Variants in BTC observed in about 807,000 individuals in gnomAD.
BTC encodes the protein probetacellulin.
A neutral mutation model predicts 18.1 loss-of-function variants in BTC; 13 were observed. The ratio of observed to expected loss-of-function variants is 0.72; its 90% CI spans 0.47 to 1.14. The LOEUF (loss-of-function observed/expected upper bound fraction) is 1.14. BTC is among the 50% of genes most tolerant of loss of function. The probability of loss-of-function intolerance (pLI) is 0.00; values close to 1 mark genes in which losing one functional copy is unlikely to be tolerated. For missense variants in BTC, 247 were observed against 224.2 expected (o/e 1.10, Z -0.65); for synonymous variants, 83 against 79.4 (o/e 1.05, Z -0.24).
Position 74,755,955 on chromosome 4 carries a change from C to A in BTC, c.185G>T (p.Arg62Leu), listed in dbSNP as rs375367986. ...GGGGCACCTAGAGAAGTGGCCTTTC[C>A]GCTTTGATTGTGTGGTGGTAGCTGG... ...NCAATTTQSKRKGHFSRCPKQ... is the reference protein window; with the variant it reads ...NCAATTTQSKLKGHFSRCPKQ... Residue 62 changes from arginine to leucine, a missense_variant, in exon 3 of 6, where the codon CGG becomes CTG. Coordinates refer to ENST00000395743, the MANE Select transcript of BTC (RefSeq NM_001729.4). The A allele has an allele frequency of 5.0e-6, 8 of 1,613,932 alleles. No individual in the cohort carries two copies. The Admixed American group carries it at 1.3e-4, about 27-fold the overall frequency.
intron 2 of BTC, among the ~76,000 whole-genome samples, chr4:74,767,908 G>T (rs1724943250): frequency 6.6e-6 from 1 of 152,054 alleles, no homozygotes; most frequent in East Asian, 1.9e-4. Context: ...TTATATTTAA[G>T]ACCCGAAACA....
intron 1 of BTC, among the ~76,000 whole-genome samples, chr4:74,773,762 C>A (rs1725109399): frequency 6.6e-6 from 1 of 152,030 alleles, no homozygotes; most frequent in Non-Finnish European, 1.5e-5. Flanking sequence ...TAGGTGCCTG[C>A]CACCATGCCT....
At chr4:74,793,282 C>A (rs948348170) in intron 1 of BTC, among the ~76,000 whole-genome samples, 1 of 152,192 alleles carries the variant, frequency 6.6e-6, no homozygotes, top group Non-Finnish European at 1.5e-5. Context: ...TTTTAGCCAC[C>A]TCTCTTACTC....
In BTC at chr4:74,794,351, G is replaced by A. The variant is rs1489721363; in HGVS notation, c.-26C>T. The A allele has an allele frequency of 3.9e-6, 6 of 1,529,548 alleles. No individual in the cohort carries two copies. In the South Asian group the frequency reaches 7.3e-5, roughly 19 times the overall value. 94.7% of individuals were successfully genotyped at this position (1,529,548 alleles called of 1,614,324 possible). On this transcript the variant is annotated 5_prime_UTR_variant, in exon 1 of 6. Transcript: ENST00000395743. Reference sequence around the variant, plus strand: ...CAACCCCGCTCTGCCGGGCCGGGCAGCCCCTAGACAAGTCTCCCTCCTTCT... The same window carrying A: ...CAACCCCGCTCTGCCGGGCCGGGCAACCCCTAGACAAGTCTCCCTCCTTCT...
intron 1 of BTC, among the ~76,000 whole-genome samples, chr4:74,788,107 A>C (rs879568127): frequency 3.2e-4 from 48 of 152,270 alleles, no homozygotes; most frequent in Admixed American, 5.2e-4. Context: ...AAATTACAAA[A>C]CCCCCTGCCT....
intron 1 of BTC, among the ~76,000 whole-genome samples, chr4:74,774,304 C>A (rs544700878): frequency 6.6e-6 from 1 of 152,130 alleles, no homozygotes; most frequent in Admixed American, 6.5e-5. Context: ...GTTTTGAGTA[C>A]CGGTCTTGGA....
At chr4:74,763,902 A>G (rs59882675) in intron 2 of BTC, among the ~76,000 whole-genome samples, 35,079 of 152,090 alleles carry the variant, frequency 0.23, 5,254 homozygotes, top group African/African-American at 0.43. Context: ...TGATAGATAC[A>G]TGCTAATTAC....
Position 74,745,401 on chromosome 4 carries a change from T to G in BTC, c.*1276A>C, listed in dbSNP as rs1342428319. The G allele has an allele frequency of 1.3e-5, 2 of 152,226 alleles. No homozygotes were observed. Among genetic ancestry groups the G allele is most frequent in the Admixed American group, 1.3e-4 (2 of 15,286 alleles). The allele number at this position is 152,226 out of a possible 1,614,324, so 9.4% of individuals were successfully genotyped here. ...TTTGCAAAGATTCTAAAAAAGAAGC[T>G]GCTTGGCCGACAGGCACAAGTTGGG... On this transcript the variant is annotated 3_prime_UTR_variant, in exon 6 of 6. Transcript: ENST00000395743.
At chr4:74,761,134 G>GAAAA (rs71657340) in intron 2 of BTC, among the ~76,000 whole-genome samples, 1 of 150,052 alleles carries the variant, frequency 6.7e-6, no homozygotes, top group Non-Finnish European at 1.5e-5. Flanking sequence ...CCCTTTGGAG[G>GAAAA]AAAAAAAAAA....
chr4:74,763,365 C>T (rs1246918100), intron 2 of BTC, among the ~76,000 whole-genome samples: 1 of 152,090 alleles, frequency 6.6e-6, no homozygotes, highest in African/African-American at 2.4e-5. Flanking sequence ...CCTGCATGGT[C>T]TTAGTGTGCC....
intron 3 of BTC, among the ~76,000 whole-genome samples, chr4:74,753,590 C>A (rs1290173143): frequency 1.3e-5 from 2 of 152,094 alleles, no homozygotes; most frequent in Non-Finnish European, 2.9e-5. Context: ...AACAAGAACC[C>A]ACAAACTCCC....
intron 1 of BTC, among the ~76,000 whole-genome samples, chr4:74,771,107 GT>G (rs1258251080): frequency 6.6e-6 from 1 of 151,986 alleles, no homozygotes; most frequent in Non-Finnish European, 1.5e-5. Flanking sequence ...GGTTCATTAT[GT>G]TGTCCTCTCT....
Position 74,769,553 on chromosome 4 carries a change from C to G in BTC, c.163+505G>C, listed in dbSNP as rs536202746. On this transcript the variant is annotated intron_variant, in intron 2 of 5. Coordinates refer to ENST00000395743, the MANE Select transcript of BTC (RefSeq NM_001729.4). ...AAACCTTTACTAAGGCCAAATACTG[C>G]CTTAGACTGATAAGTTTGAGAACAC... is the stretch of plus-strand genomic sequence containing the variant. 1.4e-4 allele frequency among the ~76,000 whole-genome samples: 21 copies of G among 152,260 alleles called. No homozygotes were observed. In the South Asian group the frequency reaches 4.1e-3, roughly 30 times the overall value.
chr4:74,756,592 G>A (rs1465090255), intron 2 of BTC, among the ~76,000 whole-genome samples: 2 of 152,180 alleles, frequency 1.3e-5, no homozygotes, highest in Non-Finnish European at 2.9e-5. Flanking sequence ...CTGAGTCCAC[G>A]TTCTTGACTG....
chr4:74,772,572 T>C (rs1292020970), intron 1 of BTC, among the ~76,000 whole-genome samples: 2 of 151,856 alleles, frequency 1.3e-5, no homozygotes, highest in Non-Finnish European at 2.9e-5. Flanking sequence ...AAAATATGTT[T>C]AATTCATTTC....
At chr4:74,757,285 A>C (rs1338161106) in intron 2 of BTC, among the ~76,000 whole-genome samples, 4 of 152,230 alleles carry the variant, frequency 2.6e-5, no homozygotes, top group African/African-American at 9.6e-5. Flanking sequence ...AGGACTTAGG[A>C]TGATCTAAAT....
Position 74,779,826 on chromosome 4 carries a change from A to G in BTC, c.65-9670T>C, listed in dbSNP as rs550523485. Among the ~76,000 whole-genome samples the G allele has an allele frequency of 3.3e-5, 5 of 152,284 alleles. No individual in the cohort carries two copies. In the South Asian group the frequency reaches 1.0e-3, roughly 32 times the overall value. ...TTAGAGTAAGCCAACCCAACTTAGC[A>G]TCGAATTTGTTATCATCTTTATCAA... On this transcript the variant is annotated intron_variant, in intron 1 of 5. Coordinates refer to ENST00000395743, the MANE Select transcript of BTC (RefSeq NM_001729.4).
chr4:74,774,416 A>G (rs1048199490), intron 1 of BTC, among the ~76,000 whole-genome samples: 1 of 152,208 alleles, frequency 6.6e-6, no homozygotes, highest in Non-Finnish European at 1.5e-5. Context: ...ATACCAGAAG[A>G]AACATCAAAA....
chr4:74,794,296 G>A lies in BTC; in HGVS notation c.30C>T (p.Ala10=). The A allele has an allele frequency of 1.3e-6, 2 of 1,549,158 alleles. No individual in the cohort carries two copies. The highest frequency in any genetic ancestry group is 1.7e-6 in the Non-Finnish European group (2 of 1,146,604). MDRAARCSG[A]SSLPLLLALA... ...GGGCCAGGAGCAGTGGCAGGGAGCT[G>A]GCGCCGCTGCACCGGGCGGCCCGGT... The change falls in exon 1 of 6, where the codon GCC becomes GCT. Residue 10 remains alanine (A), a synonymous_variant. Coordinates refer to ENST00000395743, the MANE Select transcript of BTC (RefSeq NM_001729.4).
Sources: allele counts gnomAD v4.1 joint callset (sites outside exome capture counted in the v4.1 genomes callset), GRCh38; gene constraint gnomAD v4.1.1; transcripts MANE v1.5; gene names NCBI Gene and HGNC (gene_info 2026-07-23, HGNC 2026-07-21).